The following NRXN3 variants were observed in gnomAD, a reference collection of about 807,000 sequenced individuals.
NRXN3 encodes neurexin III.
Under a neutral mutation model 137.6 loss-of-function variants are expected in NRXN3, and 32 were observed. The ratio of observed to expected loss-of-function variants is 0.23; its 90% confidence interval spans 0.18 to 0.31. The LOEUF is 0.31. NRXN3 is among the 10% of genes least tolerant of loss of function. The pLI is 1.00. For synonymous variants in NRXN3, 798 were observed against 784.5 expected, an observed-to-expected ratio of 1.02 and a Z score of -0.29; for missense variants, 1,574 against 2,062.5, an observed-to-expected ratio of 0.76 and a Z score of 4.59.
intron 4 of NRXN3, among the ~76,000 whole-genome samples, chr14:78,304,579 A>C (rs79122169): frequency 1.3e-5 from 2 of 152,152 alleles, no homozygotes; most frequent in African/African-American, 4.8e-5. Flanking sequence ...TTGAGAGTAT[A>C]TTTTGGCCTT....
chr14:78,360,694 G>T (rs2153605127), intron 4 of NRXN3, among the ~76,000 whole-genome samples: 1 of 152,210 alleles, frequency 6.6e-6, no homozygotes, highest in African/African-American at 2.4e-5. Flanking sequence ...AGAAAAATTA[G>T]CTTTTAAATT....
chr14:78,645,029 G>A (rs2097673027), intron 4 of NRXN3, 91 bp from the exon 5 acceptor site: 1 of 1,149,658 alleles, frequency 8.7e-7, no homozygotes, highest in African/African-American at 1.6e-5. Flanking sequence ...GAACGGGGCA[G>A]TGCCCCTGCG....
At chr14:78,986,081 C>T (rs548000139) in intron 14 of NRXN3, among the ~76,000 whole-genome samples, 13 of 152,310 alleles carry the variant, frequency 8.5e-5, no homozygotes, top group Admixed American at 3.3e-4. Context: ...ACCCAGAAGA[C>T]GAACCCTTTG....
At chr14:78,874,359 G>C (rs758717125) in intron 10 of NRXN3, among the ~76,000 whole-genome samples, 1 of 152,110 alleles carries the variant, frequency 6.6e-6, no homozygotes, top group Non-Finnish European at 1.5e-5. Flanking sequence ...TTACATTGTC[G>C]TAAGTAATGT....
At chr14:78,983,246 G>A (rs2099494083) in intron 14 of NRXN3, among the ~76,000 whole-genome samples, 1 of 152,138 alleles carries the variant, frequency 6.6e-6, no homozygotes, top group Non-Finnish European at 1.5e-5. Flanking sequence ...AGGTTCCTCA[G>A]AAAACTAAAA....
At chr14:79,772,560 A>G (rs972441612) in intron 19 of NRXN3, among the ~76,000 whole-genome samples, 3 of 152,254 alleles carry the variant, frequency 2.0e-5, no homozygotes, top group African/African-American at 7.2e-5. Context: ...GTGCTGGGAA[A>G]ACTGGCTAGC....
intron 4 of NRXN3, among the ~76,000 whole-genome samples, chr14:78,421,262 A>C (rs1452945939): frequency 2.3e-5 from 1 of 42,800 alleles, no homozygotes; most frequent in African/African-American, 6.7e-5. Flanking sequence ...ACTCCATCTC[A>C]AAAAAAAAAA....
chr14:78,899,876 A>G (rs944053341), intron 10 of NRXN3, among the ~76,000 whole-genome samples: 6 of 151,992 alleles, frequency 3.9e-5, no homozygotes, highest in African/African-American at 1.4e-4. Flanking sequence ...TTCATTTTTA[A>G]AGATGTGATA....
At chr14:78,400,660 A>C (rs1026575440) in intron 4 of NRXN3, among the ~76,000 whole-genome samples, 1 of 152,156 alleles carries the variant, frequency 6.6e-6, no homozygotes, top group Non-Finnish European at 1.5e-5. Context: ...GTTAAACCTG[A>C]CAATTCTCTA....
chr14:79,679,292 G>A (rs1241985796), intron 17 of NRXN3, among the ~76,000 whole-genome samples: 3 of 152,030 alleles, frequency 2.0e-5, no homozygotes, highest in Non-Finnish European at 2.9e-5. Flanking sequence ...CTTTGTGCTA[G>A]CATGTAGTTA....
intron 19 of NRXN3, among the ~76,000 whole-genome samples, chr14:79,700,387 A>G (rs948804910): frequency 2.0e-5 from 3 of 152,066 alleles, no homozygotes; most frequent in Admixed American, 1.3e-4. Flanking sequence ...TTTTTTATCT[A>G]TATGTGAAAT....
intron 1 of NRXN3, among the ~76,000 whole-genome samples, chr14:78,197,715 T>C (rs2061351949): frequency 2.0e-5 from 3 of 152,206 alleles, no homozygotes; most frequent in Non-Finnish European, 4.4e-5. Flanking sequence ...TGCCCCTCCA[T>C]GGGGTATTCA....
intron 16 of NRXN3, among the ~76,000 whole-genome samples, chr14:79,565,916 A>G (rs576767322): frequency 2.0e-5 from 3 of 152,198 alleles, no homozygotes; most frequent in Admixed American, 1.3e-4. Flanking sequence ...AAATAATTCA[A>G]TTTAGAGCAA....
intron 8 of NRXN3, among the ~76,000 whole-genome samples, chr14:78,749,135 C>G (rs1201315130): frequency 4.6e-5 from 7 of 152,062 alleles, no homozygotes; most frequent in African/African-American, 1.7e-4. Flanking sequence ...GGAAGTGAAC[C>G]AATTGAATTG....
intron 15 of NRXN3, among the ~76,000 whole-genome samples, chr14:79,181,754 G>T (rs1420755118): frequency 6.6e-6 from 1 of 151,444 alleles, no homozygotes; most frequent in African/African-American, 2.4e-5. Context: ...CAGAAAATGT[G>T]CACAGGGTGG....
chr14:79,616,002 G>A (rs142411346), intron 16 of NRXN3, among the ~76,000 whole-genome samples: 1 of 152,270 alleles, frequency 6.6e-6, no homozygotes, highest in African/African-American at 2.4e-5. Context: ...TTCATACCCA[G>A]CAGTATGAAG....
At chr14:79,819,193 T>C (rs1394483285) in intron 20 of NRXN3, among the ~76,000 whole-genome samples, 1 of 152,136 alleles carries the variant, frequency 6.6e-6, no homozygotes, top group Non-Finnish European at 1.5e-5. Context: ...CCCTGCCCTA[T>C]CTCCTCAATC....
chr14:79,245,748 G>T (rs1228099167), intron 15 of NRXN3, among the ~76,000 whole-genome samples: 1 of 152,142 alleles, frequency 6.6e-6, no homozygotes, highest in Admixed American at 6.6e-5. Context: ...TCCATCCACT[G>T]ATTTTCCGTT....
At chr14:78,296,438 C>G (rs1404461474) in intron 3 of NRXN3, among the ~76,000 whole-genome samples, 5 of 152,118 alleles carry the variant, frequency 3.3e-5, no homozygotes, top group Non-Finnish European at 7.4e-5. Flanking sequence ...ATTTTAAGAA[C>G]CTTTATTTCT....
Sources: allele counts gnomAD v4.1 joint callset (sites outside exome capture counted in the v4.1 genomes callset), GRCh38; gene constraint gnomAD v4.1.1; transcripts MANE v1.5; gene names NCBI Gene and HGNC (gene_info 2026-07-23, HGNC 2026-07-21).